CHN1: variants seen among roughly 807,000 people sequenced by gnomAD.
CHN1 encodes the protein N-chimaerin.
Under a neutral mutation model 59.5 loss-of-function variants are expected in CHN1, and 37 were observed. That is an observed-to-expected ratio of 0.62 (90% CI 0.48 to 0.82). CHN1 has a LOEUF of 0.82. Ranked by LOEUF, CHN1 falls within the 40% of genes least tolerant of loss-of-function variation. The pLI is 0.00. For synonymous variants in CHN1, 206 were observed against 200.4 expected, an observed-to-expected ratio of 1.03 and a Z score of -0.24; for missense variants, 469 against 571.0, an observed-to-expected ratio of 0.82 and a Z score of 1.82.
intron 8 of CHN1, among the ~76,000 whole-genome samples, chr2:174,818,976 AAAT>A (rs1685379529): frequency 6.6e-6 from 1 of 152,198 alleles, no homozygotes. Context: ...TTCATATTTT[AAAT>A]AATGGCAAAT....
intron 6 of CHN1, among the ~76,000 whole-genome samples, chr2:174,852,247 C>T (rs912361715): frequency 1.3e-5 from 2 of 152,094 alleles, no homozygotes; most frequent in Non-Finnish European, 2.9e-5. Flanking sequence ...CGAGATTGCA[C>T]CACAGGACTC....
Position 174,937,187 on chromosome 2 carries a change from C to T in CHN1, c.114+7701G>A, listed in dbSNP as rs1284652339. ...GTGATACACATTTGGTTTCAAAATG[C>T]TAACAGAAATTCACCTAAGAGCAGA... On this transcript the variant is annotated intron_variant, in intron 3 of 12. Coordinates refer to ENST00000409900, the MANE Select transcript of CHN1 (RefSeq NM_001822.7). Among the ~76,000 whole-genome samples the T allele has an allele frequency of 2.6e-5, 4 of 152,172 alleles. 1 individual carries two copies. Among genetic ancestry groups the T allele is most frequent in the African/African-American group, 9.6e-5 (4 of 41,526 alleles).
At chr2:174,952,233 T>C in intron 1 of CHN1, 31 bp from the exon 2 acceptor site, 2 of 1,238,272 alleles carry the variant, frequency 1.6e-6, no homozygotes, top group Non-Finnish European at 2.2e-6. Flanking sequence ...TTAACATTAC[T>C]GAATATTTAA....
chr2:175,000,680 A>G (rs1003470856), intron 1 of CHN1, among the ~76,000 whole-genome samples: 1 of 151,990 alleles, frequency 6.6e-6, no homozygotes, highest in Non-Finnish European at 1.5e-5. Context: ...CTGACCTCAA[A>G]TGATCCACCC....
At chr2:174,979,060 G>A (rs1691046025) in intron 1 of CHN1, among the ~76,000 whole-genome samples, 1 of 152,164 alleles carries the variant, frequency 6.6e-6, no homozygotes, top group South Asian at 2.1e-4. Flanking sequence ...TAGGGTTGAA[G>A]AAAGACATTA....
At chr2:174,924,622 G>C (rs1463349808) in intron 3 of CHN1, among the ~76,000 whole-genome samples, 3 of 151,968 alleles carry the variant, frequency 2.0e-5, no homozygotes, top group Non-Finnish European at 4.4e-5. Flanking sequence ...TGAGATCTAA[G>C]GTATGATTAC....
At position 174,808,990 on chromosome 2, in the gene CHN1, G is replaced by A. The variant is rs751260244; in HGVS notation, c.1017C>T (p.Ile339=). The part of the protein sequence containing the change: ...SVNMYEDINI[I]TGALKLYFRD... ...TGAAGTACAGTTTAAGTGCACCAGTGATAATGTTGATATCTTCATACATGT... is the reference window on the plus strand; with the variant it reads ...TGAAGTACAGTTTAAGTGCACCAGTAATAATGTTGATATCTTCATACATGT... Residue 339 remains isoleucine, a synonymous_variant, in exon 11 of 13, where the codon ATC becomes ATT. Coordinates refer to ENST00000409900, the MANE Select transcript of CHN1 (RefSeq NM_001822.7). 3 of 1,612,994 alleles carry A rather than the reference G, an allele frequency of 1.9e-6. No homozygotes were observed. In the African/African-American group the frequency reaches 4.0e-5, roughly 22 times the overall value.
At chr2:174,881,309 T>C (rs751142889) in intron 5 of CHN1, among the ~76,000 whole-genome samples, 13 of 152,134 alleles carry the variant, frequency 8.5e-5, no homozygotes, top group Admixed American at 3.3e-4. Flanking sequence ...TCTTGAAATA[T>C]GGTTTGGCCA....
At chr2:174,951,329 T>C (rs1234267327) in intron 2 of CHN1, among the ~76,000 whole-genome samples, 1 of 152,148 alleles carries the variant, frequency 6.6e-6, no homozygotes, top group East Asian at 1.9e-4. Context: ...ATAAGACCAA[T>C]GAGAATCTGA....
intron 1 of CHN1, among the ~76,000 whole-genome samples, chr2:174,996,540 A>G (rs1691717360): frequency 6.6e-6 from 1 of 152,194 alleles, no homozygotes; most frequent in Non-Finnish European, 1.5e-5. Flanking sequence ...GATTACCTGT[A>G]AAGAAATTGA....
chr2:174,900,155 A>G (rs1428397824), intron 5 of CHN1, among the ~76,000 whole-genome samples: 1 of 152,220 alleles, frequency 6.6e-6, no homozygotes, highest in African/African-American at 2.4e-5. Context: ...GTGGATAAAC[A>G]AGTTACATGT....
At chr2:174,972,755 G>T (rs1049218149) in intron 1 of CHN1, among the ~76,000 whole-genome samples, 10 of 152,214 alleles carry the variant, frequency 6.6e-5, no homozygotes, top group Admixed American at 6.5e-4. Flanking sequence ...ATCACGTAAG[G>T]AATTATACTA....
At chr2:174,948,434 G>A (rs1689911968) in intron 2 of CHN1, among the ~76,000 whole-genome samples, 1 of 152,070 alleles carries the variant, frequency 6.6e-6, no homozygotes, top group Admixed American at 6.5e-5. Flanking sequence ...AATAAGTACT[G>A]AAAAGCGACA....
intron 7 of CHN1, among the ~76,000 whole-genome samples, chr2:174,844,753 C>T (rs905543129): frequency 2.2e-4 from 34 of 152,096 alleles, no homozygotes; most frequent in African/African-American, 7.7e-4. Context: ...TGCCACCCCA[C>T]AGAAACATTT....
At chr2:174,968,830 T>A (rs1690669404) in intron 1 of CHN1, among the ~76,000 whole-genome samples, 1 of 152,254 alleles carries the variant, frequency 6.6e-6, no homozygotes, top group South Asian at 2.1e-4. Flanking sequence ...GTGGAAGTAT[T>A]TTTATAACGC....
At chr2:174,902,151 T>C (rs1688405146) in intron 5 of CHN1, among the ~76,000 whole-genome samples, 1 of 152,224 alleles carries the variant, frequency 6.6e-6, no homozygotes, top group Admixed American at 6.5e-5. Context: ...TTGTATTGTA[T>C]ATTTGTCAGG....
chr2:174,886,152 A>AGT (rs1456950210), intron 5 of CHN1, among the ~76,000 whole-genome samples: 1 of 152,214 alleles, frequency 6.6e-6, no homozygotes, highest in Non-Finnish European at 1.5e-5. Context: ...TATAAGTGTG[A>AGT]GTGTGTGTAT....
chr2:174,898,161 C>T (rs961564089), intron 5 of CHN1, among the ~76,000 whole-genome samples: 2 of 152,076 alleles, frequency 1.3e-5, no homozygotes, highest in Non-Finnish European at 2.9e-5. Flanking sequence ...GCAGCTACCA[C>T]GAGATAAATT....
At chr2:174,846,813 AT>A in intron 7 of CHN1, 66 bp downstream of exon 7, 5 of 1,352,256 alleles carry the variant, frequency 3.7e-6, no homozygotes, top group Non-Finnish European at 5.0e-6. Context: ...GACATAAGAT[AT>A]TCCTTTAATA....
Sources: gnomAD v4.1 joint callset for allele counts (sites outside exome capture counted in the v4.1 genomes callset) on GRCh38, gnomAD v4.1.1 for gene constraint, MANE v1.5 for transcripts, NCBI Gene and HGNC (gene_info 2026-07-23, HGNC 2026-07-21) for gene names.